The following SLC47A2 variants were observed in gnomAD, a reference collection of about 807,000 sequenced individuals.
The protein encoded by SLC47A2 is multidrug and toxin extrusion protein 2.
A neutral mutation model predicts 67.7 loss-of-function variants in SLC47A2; 52 were observed. The observed-to-expected ratio is 0.77, with a 90% CI of 0.61 to 0.97. The LOEUF is 0.97. Ranked by LOEUF, SLC47A2 falls within the 50% of genes least tolerant of loss-of-function variation. The probability of loss-of-function intolerance (pLI) is 0.00; values close to 1 mark genes in which losing one functional copy is unlikely to be tolerated. For missense variants in SLC47A2, 676 were observed against 712.3 expected, an observed-to-expected ratio of 0.95 and a Z score of 0.58; for synonymous variants, 278 against 292.9, an observed-to-expected ratio of 0.95 and a Z score of 0.52.
intron 1 of SLC47A2, 91 bp from the exon 2 acceptor site, chr17:19,715,308 G>T: frequency 1.7e-6 from 2 of 1,168,166 alleles, no homozygotes; most frequent in East Asian, 2.5e-5. Flanking sequence ...TGAGGGCCCC[G>T]CACCAGTGCC....
Position 19,708,742 on chromosome 17 carries a change from G to C in SLC47A2, c.505C>G (p.Leu169Val), listed in dbSNP as rs779036495. 3 of 1,613,990 alleles carry C rather than the reference G, an allele frequency of 1.9e-6. No homozygotes were observed. The highest frequency in any genetic ancestry group is 2.5e-6 in the Non-Finnish European group (3 of 1,180,036). The stretch of plus-strand genomic sequence containing the variant: ...TGATTTTGCAAATATTTTGCCAGCA[G>C]ATTGTAAAGAAAAATCACCTGTATG... ...PGLPVIFLYN[L>V]LAKYLQNQKI... The change falls in exon 6 of 17, where the codon CTG becomes GTG. Residue 169 changes from leucine to valine, a missense_variant. Transcript: ENST00000433844.
chr17:19,697,460 A>G (rs192456329), intron 13 of SLC47A2, among the ~76,000 whole-genome samples: 6 of 152,322 alleles, frequency 3.9e-5, no homozygotes, highest in African/African-American at 1.4e-4. Flanking sequence ...GACAACCAAA[A>G]AAAGTTCTAT....
In SLC47A2 at chr17:19,713,950, C is replaced by T. The variant is rs145393550; in HGVS notation, c.318G>A (p.Lys106=). ...MSQSFGSPNK[K]HVGVILQRGA... The stretch of plus-strand genomic sequence containing the variant: ...CCCGCTGCAGGATCACGCCCACGTG[C>T]TTCTTGTTGGGGCTGCCGAAGCTCT... Residue 106 remains lysine (K), a synonymous_variant, in exon 4 of 17, where the codon AAG becomes AAA. Transcript: ENST00000433844. 1.2e-6 allele frequency: 2 copies of T among 1,613,174 alleles called. No homozygotes were observed. Among genetic ancestry groups the T allele is most frequent in the South Asian group, 1.1e-5 (1 of 91,042 alleles).
intron 13 of SLC47A2, among the ~76,000 whole-genome samples, chr17:19,688,898 CTG>C (rs2085483119): frequency 6.7e-6 from 1 of 150,042 alleles, no homozygotes; most frequent in Non-Finnish European, 1.5e-5. Flanking sequence ...GAGGGTCTCG[CTG>C]TGTCATCCAG....
chr17:19,692,153 G>A (rs1261544218), intron 13 of SLC47A2: 6 of 345,334 alleles, frequency 1.7e-5, no homozygotes, highest in Admixed American at 4.5e-5. Flanking sequence ...GCTTGAACTC[G>A]GAAGGCAGAG....
intron 13 of SLC47A2, among the ~76,000 whole-genome samples, chr17:19,686,223 T>A (rs1282648566): frequency 6.6e-6 from 1 of 152,044 alleles, no homozygotes; most frequent in African/African-American, 2.4e-5. Flanking sequence ...GATCACACCA[T>A]TGCACTCCAG....
intron 3 of SLC47A2, among the ~76,000 whole-genome samples, chr17:19,714,223 G>A (rs1177054632): frequency 6.6e-6 from 1 of 152,198 alleles, no homozygotes; most frequent in Non-Finnish European, 1.5e-5. Context: ...ACATGTCAGC[G>A]GCAGGTTAAG....
At chr17:19,707,520 G>C (rs1176892518) in intron 8 of SLC47A2, among the ~76,000 whole-genome samples, 1 of 152,182 alleles carries the variant, frequency 6.6e-6, no homozygotes, top group Admixed American at 6.5e-5. Flanking sequence ...CCTGGGCCAG[G>C]CTTCTGTGAT....
Position 19,678,852 on chromosome 17 carries a change from C to T in SLC47A2, c.1535G>A (p.Cys512Tyr). Residue 512 changes from cysteine to tyrosine, a missense_variant, in exon 17 of 17, where the codon TGC becomes TAC. Transcript: ENST00000433844. ...ITLTTYSRSE[C>Y]HVDFFRTPEE... ...TGGAGTCCTGAAGAAGTCCACGTGG[C>T]ACTCAGACCTTGAATACGTTGTCAA... The T allele has an allele frequency of 6.2e-7, 1 of 1,610,014 alleles. No individual in the cohort carries two copies. The highest frequency in any genetic ancestry group is 8.5e-7 in the Non-Finnish European group (1 of 1,177,884).
chr17:19,714,843 G>T (rs1307314259), intron 2 of SLC47A2, 54 bp from the exon 3 acceptor site: 1 of 1,609,856 alleles, frequency 6.2e-7, no homozygotes, highest in Non-Finnish European at 8.5e-7. Flanking sequence ...CCTGAAGAGA[G>T]GCCCCTGCAT....
chr17:19,712,537 T>A (rs952274677), intron 5 of SLC47A2, among the ~76,000 whole-genome samples, 166 bp downstream of exon 5: 14 of 152,242 alleles, frequency 9.2e-5, no homozygotes, highest in South Asian at 6.2e-4. Context: ...CTATTTTTTT[T>A]AAATTCAATT....
At chr17:19,713,413 AATCATC>A (rs549694670) in intron 4 of SLC47A2, among the ~76,000 whole-genome samples, 16 of 147,792 alleles carry the variant, frequency 1.1e-4, no homozygotes, top group African/African-American at 2.8e-4. Context: ...TAATAATAAT[AATCATC>A]ATCATCATCA....
chr17:19,681,517 C>G, intron 14 of SLC47A2, 21 bp downstream of exon 14: 1 of 1,614,184 alleles, frequency 6.2e-7, no homozygotes, highest in Admixed American at 1.7e-5. Context: ...AGGCCTCTCC[C>G]GACTTCCTCA....
chr17:19,697,738 C>A (rs118124052), intron 13 of SLC47A2, among the ~76,000 whole-genome samples: 3,442 of 151,624 alleles, frequency 0.023, 71 homozygotes, highest in African/African-American at 0.052. Flanking sequence ...CAGATATGCA[C>A]CACTATGCCC....
chr17:19,707,555 GA>G (rs2085973920), intron 8 of SLC47A2, among the ~76,000 whole-genome samples, 190 bp downstream of exon 8: 2 of 152,194 alleles, frequency 1.3e-5, no homozygotes, highest in Admixed American at 1.3e-4. Flanking sequence ...TCTGCATCGT[GA>G]CACCTTGGGT....
chr17:19,714,200 A>G (rs190396204), intron 3 of SLC47A2, among the ~76,000 whole-genome samples: 309 of 152,328 alleles, frequency 2.0e-3, no homozygotes, highest in Non-Finnish European at 3.7e-3. Flanking sequence ...ACGAAGGCAC[A>G]TGGGGCTTCA....
rs552171473 is a variant in SLC47A2 at position 19,708,904 on chromosome 17, G to A, written c.487-144C>T. The A allele has an allele frequency of 1.1e-5, 12 of 1,047,002 alleles. No individual in the cohort carries two copies. In the East Asian group the frequency reaches 1.5e-4, roughly 13 times the overall value. 64.9% of individuals were successfully genotyped at this position (1,047,002 alleles called of 1,614,324 possible). A position where few individuals can be genotyped will look rare whatever the true frequency, so the allele number is the denominator to read the frequency against. On this transcript the variant is annotated intron_variant, in intron 5 of 16. Transcript: ENST00000433844. Reference sequence around the variant, plus strand: ...AGTATGTCTGGGACCTCTCAGGTGCGGCCAAAGCCTACCCAGCCACCTGGA... The same window carrying A: ...AGTATGTCTGGGACCTCTCAGGTGCAGCCAAAGCCTACCCAGCCACCTGGA...
At chr17:19,698,807 C>A (rs911580336) in intron 13 of SLC47A2, among the ~76,000 whole-genome samples, 3 of 151,864 alleles carry the variant, frequency 2.0e-5, no homozygotes, top group Non-Finnish European at 4.4e-5. Flanking sequence ...CTTCTGCATC[C>A]GTGGATGCAA....
intron 13 of SLC47A2, among the ~76,000 whole-genome samples, chr17:19,690,756 A>G (rs1257763620): frequency 1.3e-5 from 2 of 152,152 alleles, no homozygotes; most frequent in East Asian, 1.9e-4. Flanking sequence ...ATATCATCTC[A>G]CCCCAGTTAA....
Sources: allele counts gnomAD v4.1 joint callset (sites outside exome capture counted in the v4.1 genomes callset), GRCh38; gene constraint gnomAD v4.1.1; transcripts MANE v1.5; gene names NCBI Gene and HGNC (gene_info 2026-07-23, HGNC 2026-07-21).